Variants in KIF1A observed in about 807,000 individuals in gnomAD.
KIF1A encodes the protein kinesin family member 1A.
A neutral mutation model predicts 227.3 loss-of-function variants in KIF1A; 46 were observed. The ratio of observed to expected loss-of-function variants is 0.20; its 90% CI spans 0.16 to 0.26. KIF1A has a LOEUF of 0.26. Among genes scored for constraint, KIF1A ranks in the 10% least tolerant of loss-of-function variants. KIF1A has a pLI of 1.00. For synonymous variants in KIF1A, 1,022 were observed against 1,012.8 expected (o/e 1.01, Z -0.17); for missense variants, 1,683 against 2,485.9 (o/e 0.68, Z 6.87).
In KIF1A at chr2:240,786,390, C is replaced by T. The variant is rs1415036278; in HGVS notation, c.553G>A (p.Ala185Thr). The T allele has an allele frequency of 6.2e-7, 1 of 1,613,566 alleles. No individual in the cohort carries two copies. Among genetic ancestry groups the T allele is most frequent in the Non-Finnish European group, 8.5e-7 (1 of 1,179,784 alleles). ...GPYVEDLSKL[A>T]VTSYNDIQDL... is the part of the protein sequence containing the mutation. ...TGGATGTCATTGTAGGAGGTGACAGCCAGCTTGGAGAGGTCCTCCACGTAG... is the reference window on the plus strand; with the variant it reads ...TGGATGTCATTGTAGGAGGTGACAGTCAGCTTGGAGAGGTCCTCCACGTAG... Residue 185 changes from alanine (A) to threonine (T), a missense_variant, in exon 6 of 49, where the codon GCT (alanine) becomes ACT (threonine). Physicochemically the swap from Ala to Thr is moderately conservative, Grantham distance 58. Transcript: ENST00000498729.
intron 28 of KIF1A, among the ~76,000 whole-genome samples, 187 bp from the exon 29 acceptor site, chr2:240,747,508 C>A (rs759315565): frequency 3.3e-5 from 5 of 152,318 alleles, no homozygotes; most frequent in Non-Finnish European, 7.4e-5. Context: ...ACACTGACCA[C>A]CCGCCTGCCC....
chr2:240,755,705 GA>G (rs2049769399), intron 27 of KIF1A, among the ~76,000 whole-genome samples: 1 of 152,108 alleles, frequency 6.6e-6, no homozygotes, highest in African/African-American at 2.4e-5. Context: ...CACAAAAGGG[GA>G]AAAAAATGTT....
chr2:240,809,407 C>A (rs1487566734), intron 1 of KIF1A, among the ~76,000 whole-genome samples: 1 of 152,100 alleles, frequency 6.6e-6, no homozygotes, highest in Non-Finnish European at 1.5e-5. Context: ...ACGAGTGCAA[C>A]AGAAGGGACC....
chr2:240,781,882 A>G, intron 10 of KIF1A: 2 of 985,264 alleles, frequency 2.0e-6, no homozygotes, highest in Middle Eastern at 5.2e-4. Flanking sequence ...ACGTGTTCTT[A>G]GTCTCTTGGA....
In KIF1A at chr2:240,725,550, C is replaced by T; in HGVS notation, c.4123-146G>A. On this transcript the variant is annotated intron_variant, in intron 39 of 48. Coordinates refer to ENST00000498729, the MANE Select transcript of KIF1A (RefSeq NM_001244008.2). The surrounding 1 kb of genome is among the most constrained non-coding windows in gnomAD (Gnocchi z 5.8). ...GCCTCAGGTGTGGCCTGGACGCAGG[C>T]AGGAGAAAGTCTCTGCTCCTGCCCT... 1 of 812,606 alleles carries T rather than the reference C, an allele frequency of 1.2e-6. No individual in the cohort carries two copies. Among genetic ancestry groups the T allele is most frequent in the Middle Eastern group, 3.5e-4 (1 of 2,818 alleles). The allele number at this position is 812,606 out of a possible 1,614,324, so 50.3% of individuals were successfully genotyped here. A position where few individuals can be genotyped will look rare whatever the true frequency, so the allele number is the denominator to read the frequency against.
intron 48 of KIF1A, among the ~76,000 whole-genome samples, chr2:240,717,693 G>C (rs2044723401): frequency 6.6e-6 from 1 of 152,232 alleles, no homozygotes; most frequent in African/African-American, 2.4e-5. Flanking sequence ...AGGCCACCGG[G>C]TTAGGATGTA....
At chr2:240,782,481 TC>T in intron 10 of KIF1A, 108 bp downstream of exon 10, 1 of 1,204,362 alleles carries the variant, frequency 8.3e-7, no homozygotes, top group South Asian at 1.4e-5. Context: ...GTCCCCCATC[TC>T]CCAGCGCACT....
intron 10 of KIF1A, among the ~76,000 whole-genome samples, chr2:240,779,550 C>CCA (rs1163320328): frequency 6.8e-6 from 1 of 146,676 alleles, no homozygotes; most frequent in African/African-American, 2.6e-5. Flanking sequence ...CCTCATAGTT[C>CCA]CACTCAGTTC....
At chr2:240,784,561 C>T (rs2054470741) in intron 7 of KIF1A, among the ~76,000 whole-genome samples, 1 of 152,228 alleles carries the variant, frequency 6.6e-6, no homozygotes, top group African/African-American at 2.4e-5. Flanking sequence ...GCCCTCACTC[C>T]ACCCAGCCCC....
intron 27 of KIF1A, among the ~76,000 whole-genome samples, chr2:240,753,239 T>A (rs1255238703): frequency 1.3e-5 from 2 of 152,174 alleles, no homozygotes; most frequent in Non-Finnish European, 2.9e-5. Context: ...TCTCCCCCAC[T>A]GCCCTGAAAG....
Position 240,778,195 on chromosome 2 carries a change from G to T in KIF1A, c.883-2269C>A, listed in dbSNP as rs2053038206. ...GACCCCACCCACGGGATGGCTGCCG[G>T]TCACACCATTCATCAAGTTTCCCCA... On this transcript the variant is annotated intron_variant, in intron 10 of 48. Coordinates refer to ENST00000498729, the MANE Select transcript of KIF1A (RefSeq NM_001244008.2). This position sits in a 1 kb window ranked among gnomAD's most constrained non-coding sequence, Gnocchi z 7.2. 6.6e-6 allele frequency among the ~76,000 whole-genome samples: 1 copy of T among 152,000 alleles called. No homozygotes were observed. The highest frequency in any genetic ancestry group is 1.5e-5 in the Non-Finnish European group (1 of 68,010).
Position 240,775,688 on chromosome 2 carries a change from A to C in KIF1A, c.958+163T>G, listed in dbSNP as rs2052634872. Among the ~76,000 whole-genome samples, 1 of 152,146 alleles carries C rather than the reference A, an allele frequency of 6.6e-6. No individual in the cohort carries two copies. Among genetic ancestry groups the C allele is most frequent in the Admixed American group, 6.5e-5 (1 of 15,276 alleles). ...TGCTGGCCGTTGCCCCAGGTCCTCC[A>C]GAAGGGCCACGAACTGACTGGACCC... On this transcript the variant is annotated intron_variant, in intron 11 of 48. Transcript: ENST00000498729. The surrounding 1 kb of genome is among the most constrained non-coding windows in gnomAD (Gnocchi z 5.5).
At chr2:240,785,173 C>T in intron 6 of KIF1A, 73 bp from the exon 7 acceptor site, 1 of 1,263,562 alleles carries the variant, frequency 7.9e-7, no homozygotes, top group African/African-American at 1.5e-5. Context: ...TGGTGCCAGC[C>T]CTCTGAACCA....
chr2:240,719,785 C>A lies in KIF1A; in HGVS notation c.5010G>T (p.Glu1670Asp). ...PQRLLVPDIQ[E>D]IRVSPIVSKK... ...GAGGCCCCACACACCTGACTCGGAT[C>A]TCCTGGATGTCAGGGACCAGCAGGC... The change falls in exon 46 of 49, where the codon GAG becomes GAT. Residue 1670 changes from glutamate (E) to aspartate (D), a missense_variant. Glu to Asp is a conservative substitution (Grantham distance 45). Transcript: ENST00000498729. The A allele has an allele frequency of 6.3e-7, 1 of 1,590,228 alleles. No homozygotes were observed. The highest frequency in any genetic ancestry group is 8.6e-7 in the Non-Finnish European group (1 of 1,167,616).
At chr2:240,753,823 G>A (rs12624059) in intron 27 of KIF1A, among the ~76,000 whole-genome samples, 37,867 of 151,978 alleles carry the variant, frequency 0.25, 5,179 homozygotes, top group East Asian at 0.55. Context: ...CACAGAGGAC[G>A]ACCCTGAGGC....
At chr2:240,743,633 TGGTC>T (rs1212652217) in intron 33 of KIF1A, among the ~76,000 whole-genome samples, 1 of 151,868 alleles carries the variant, frequency 6.6e-6, no homozygotes, top group Non-Finnish European at 1.5e-5. Flanking sequence ...GCAGCAGAAG[TGGTC>T]TCCCCGGGGC....
At position 240,717,238 on chromosome 2, in the gene KIF1A, C is replaced by A. The variant is rs573357958; in HGVS notation, c.*126G>T. 8 of 891,196 alleles carry A rather than the reference C, an allele frequency of 9.0e-6. No homozygotes were observed. In the South Asian group the frequency reaches 1.1e-4, roughly 12 times the overall value. The allele number at this position is 891,196 out of a possible 1,614,324, so 55.2% of individuals were successfully genotyped here. Reference sequence around the variant, plus strand: ...AGGTCCCCGGGCCTGGCATGGGCGTCCCCTGGGGGGTCGACCCGGTCGTGG... The same window carrying A: ...AGGTCCCCGGGCCTGGCATGGGCGTACCCTGGGGGGTCGACCCGGTCGTGG... On this transcript the variant is annotated 3_prime_UTR_variant, in exon 49 of 49. Transcript: ENST00000498729.
chr2:240,796,681 G>A (rs2056435040), intron 2 of KIF1A, among the ~76,000 whole-genome samples: 1 of 152,152 alleles, frequency 6.6e-6, no homozygotes, highest in South Asian at 2.1e-4. Context: ...GGTCTCCCCA[G>A]CCTGTCCACT....
intron 38 of KIF1A, among the ~76,000 whole-genome samples, chr2:240,734,079 G>A (rs977022437): frequency 2.0e-5 from 3 of 152,208 alleles, no homozygotes; most frequent in Non-Finnish European, 4.4e-5. Flanking sequence ...TTCACCACCC[G>A]CCACTTCCAC....
Sources: gnomAD v4.1 joint callset for allele counts (sites outside exome capture counted in the v4.1 genomes callset) on GRCh38, gnomAD v4.1.1 for gene constraint, Gnocchi (gnomAD v3.1) non-coding constraint, MANE v1.5 for transcripts, NCBI Gene and HGNC (gene_info 2026-07-23, HGNC 2026-07-21) for gene names.